Variants in MAP3K5 observed in about 807,000 individuals in gnomAD.
The protein encoded by MAP3K5 is mitogen-activated protein kinase kinase kinase 5, also known as ASK-1.
A neutral mutation model predicts 158.7 loss-of-function variants in MAP3K5; 56 were observed. The ratio of observed to expected loss-of-function variants is 0.35; its 90% CI spans 0.28 to 0.44. The LOEUF is 0.44. Ranked by LOEUF, MAP3K5 falls within the 20% of genes least tolerant of loss-of-function variation. MAP3K5 has a pLI of 1.00. For missense variants in MAP3K5, 1,294 were observed against 1,674.8 expected (o/e 0.77, Z 3.97); for synonymous variants, 579 against 601.7 (o/e 0.96, Z 0.55).
chr6:136,729,872 C>G (rs1782134315), intron 1 of MAP3K5, among the ~76,000 whole-genome samples: 1 of 152,228 alleles, frequency 6.6e-6, no homozygotes. Flanking sequence ...GATTCAGGGA[C>G]TTGGTGGCTA....
At chr6:136,650,660 G>A (rs1481170553) in intron 11 of MAP3K5, among the ~76,000 whole-genome samples, 7 of 152,256 alleles carry the variant, frequency 4.6e-5, no homozygotes, top group Admixed American at 6.5e-5. Flanking sequence ...TTTATGTCAC[G>A]TATTTTAAGT....
intron 1 of MAP3K5, among the ~76,000 whole-genome samples, chr6:136,767,306 A>G (rs1784006607): frequency 6.6e-6 from 1 of 152,014 alleles, no homozygotes; most frequent in Admixed American, 6.6e-5. Context: ...GCAAAGAAAT[A>G]AAGGAGAGAG....
intron 1 of MAP3K5, among the ~76,000 whole-genome samples, chr6:136,737,384 CTAAAA>C (rs571281243): frequency 1.5e-3 from 225 of 151,952 alleles, no homozygotes; most frequent in Middle Eastern, 0.014. Flanking sequence ...TCCTCTGAAA[CTAAAA>C]TAAAAGTTGA....
intron 1 of MAP3K5, among the ~76,000 whole-genome samples, chr6:136,734,444 A>AG (rs1353343501): frequency 1.3e-5 from 2 of 150,436 alleles, no homozygotes; most frequent in Non-Finnish European, 3.0e-5. Context: ...AAAAAAAAAA[A>AG]GGCAATGGGA....
At chr6:136,757,608 A>G (rs890310423) in intron 1 of MAP3K5, among the ~76,000 whole-genome samples, 1 of 124,566 alleles carries the variant, frequency 8.0e-6, no homozygotes, top group African/African-American at 3.1e-5. Context: ...TTTTTTTGAG[A>G]CGGAGTTTCG....
chr6:136,623,399 G>C (rs1776895315), intron 14 of MAP3K5, among the ~76,000 whole-genome samples: 1 of 152,088 alleles, frequency 6.6e-6, no homozygotes, highest in Admixed American at 6.6e-5. Flanking sequence ...CACACTGCCA[G>C]GAGAATAAAA....
intron 1 of MAP3K5, among the ~76,000 whole-genome samples, chr6:136,769,279 T>G (rs756776984): frequency 2.0e-5 from 3 of 152,184 alleles, no homozygotes; most frequent in Non-Finnish European, 2.9e-5. Context: ...ATGATTCCAC[T>G]TCTAAGAAAT....
At chr6:136,639,034 T>A (rs1455016513) in intron 13 of MAP3K5, among the ~76,000 whole-genome samples, 1 of 152,156 alleles carries the variant, frequency 6.6e-6, no homozygotes, top group East Asian at 1.9e-4. Context: ...ATGATCTCTT[T>A]TATTGGTATA....
intron 1 of MAP3K5, among the ~76,000 whole-genome samples, chr6:136,768,670 TTGGGAGGCCAAGG>T (rs1298828901): frequency 3.3e-5 from 5 of 152,062 alleles, no homozygotes; most frequent in Admixed American, 3.3e-4. Context: ...TCCCAGCACT[TTGGGAGGCCAAGG>T]TGGGTGTATC....
Position 136,677,348 on chromosome 6 carries a change from A to G in MAP3K5, c.1254-7953T>C, listed in dbSNP as rs144691187. On this transcript the variant is annotated intron_variant, in intron 7 of 29. Transcript: ENST00000359015. ...GAGACAGGGTTTCACCGTGTTAACC[A>G]GGATGGTCTCGATCTCTTGACCTCG... Among the ~76,000 whole-genome samples, 645 of 152,220 alleles carry G rather than the reference A, an allele frequency of 4.2e-3. 4 individuals carry two copies. Among genetic ancestry groups the G allele is most frequent in the African/African-American group, 0.015 (608 of 41,542 alleles).
chr6:136,603,132 A>C (rs1775950546), intron 19 of MAP3K5, among the ~76,000 whole-genome samples: 1 of 151,340 alleles, frequency 6.6e-6, no homozygotes, highest in Non-Finnish European at 1.5e-5. Flanking sequence ...TGCTTGGTAC[A>C]TTTTACCTCA....
intron 14 of MAP3K5, among the ~76,000 whole-genome samples, chr6:136,623,555 G>A (rs1161404082): frequency 6.6e-6 from 1 of 152,116 alleles, no homozygotes; most frequent in African/African-American, 2.4e-5. Flanking sequence ...GGAAAATTTT[G>A]ATCTCTGATG....
intron 2 of MAP3K5, among the ~76,000 whole-genome samples, chr6:136,707,008 T>C (rs1188407492): frequency 2.6e-5 from 4 of 152,072 alleles, no homozygotes; most frequent in Non-Finnish European, 4.4e-5. Context: ...ATTAGCTGGG[T>C]GTCGTGGCAC....
intron 2 of MAP3K5, among the ~76,000 whole-genome samples, chr6:136,707,426 C>T (rs1781124081): frequency 1.3e-5 from 2 of 152,108 alleles, no homozygotes; most frequent in Non-Finnish European, 1.5e-5. Context: ...AGGCAAAGCC[C>T]GAAGGTGAGG....
chr6:136,690,296 C>G (rs1024590525), intron 7 of MAP3K5, among the ~76,000 whole-genome samples: 7 of 152,086 alleles, frequency 4.6e-5, no homozygotes, highest in African/African-American at 1.7e-4. Context: ...CACTTGCTTA[C>G]TTTGCTCAAC....
At chr6:136,691,915 T>C (rs1780404467) in intron 7 of MAP3K5, among the ~76,000 whole-genome samples, 1 of 152,188 alleles carries the variant, frequency 6.6e-6, no homozygotes, top group African/African-American at 2.4e-5. Flanking sequence ...TTCTTTGATA[T>C]AATTATCATT....
intron 13 of MAP3K5, 30 bp downstream of exon 13, chr6:136,639,513 T>C (rs1271775018): frequency 7.8e-7 from 1 of 1,283,288 alleles, no homozygotes; most frequent in Non-Finnish European, 1.1e-6. Context: ...GTAAGAAGAA[T>C]CTTTTTCACA....
intron 21 of MAP3K5, among the ~76,000 whole-genome samples, chr6:136,596,833 G>C (rs1473941146): frequency 6.6e-6 from 1 of 152,204 alleles, no homozygotes; most frequent in African/African-American, 2.4e-5. Flanking sequence ...AGAATGCGTA[G>C]TGCCTTTCTG....
In MAP3K5 at chr6:136,755,892, G is replaced by C. The variant is rs577841690; in HGVS notation, c.449-35303C>G. On this transcript the variant is annotated intron_variant, in intron 1 of 29. Transcript: ENST00000359015. ...CTGAGGTTTCTAGTCAGGGTGACTA[G>C]AGAGAAAACACTATCACTGGTAAGC... Among the ~76,000 whole-genome samples, 3 of 152,130 alleles carry C rather than the reference G, an allele frequency of 2.0e-5. No individual in the cohort carries two copies. In the East Asian group the frequency reaches 5.8e-4, roughly 29 times the overall value.
Sources: gnomAD v4.1 joint callset for allele counts (sites outside exome capture counted in the v4.1 genomes callset) on GRCh38, gnomAD v4.1.1 for gene constraint, MANE v1.5 for transcripts, NCBI Gene and HGNC (gene_info 2026-07-23, HGNC 2026-07-21) for gene names.